SLC35F4: variants seen among roughly 807,000 people sequenced by gnomAD.
SLC35F4 encodes the protein solute carrier family 35 member F4.
Under a neutral mutation model 44.2 loss-of-function variants are expected in SLC35F4, and 24 were observed. The ratio of observed to expected loss-of-function variants is 0.54; its 90% CI spans 0.39 to 0.76. The LOEUF is 0.76. SLC35F4 is among the 30% of genes least tolerant of loss of function. The pLI, the probability that SLC35F4 is intolerant of heterozygous loss-of-function variation, is 0.00. For missense variants in SLC35F4, 562 were observed against 586.1 expected, an observed-to-expected ratio of 0.96 and a Z score of 0.42; for synonymous variants, 238 against 223.6, an observed-to-expected ratio of 1.06 and a Z score of -0.57.
At chr14:57,793,932 G>A (rs1268559647) in intron 1 of SLC35F4, among the ~76,000 whole-genome samples, 1 of 151,938 alleles carries the variant, frequency 6.6e-6, no homozygotes, top group African/African-American at 2.4e-5. Context: ...ACTGATCTTC[G>A]ACAAAGCACA....
chr14:57,869,942 A>G (rs1469303119), upstream of SLC35F4, among the ~76,000 whole-genome samples: 4 of 152,154 alleles, frequency 2.6e-5, no homozygotes, highest in Non-Finnish European at 5.9e-5. Flanking sequence ...CTTTCAGCTC[A>G]AAGGGGCTGG....
At chr14:57,610,517 G>A (rs1348758895) in intron 1 of SLC35F4, among the ~76,000 whole-genome samples, 2 of 152,250 alleles carry the variant, frequency 1.3e-5, no homozygotes, top group East Asian at 1.9e-4. Flanking sequence ...GACAAACTTC[G>A]GTTTTTCAAC....
intron 1 of SLC35F4, among the ~76,000 whole-genome samples, chr14:57,853,379 T>C (rs545930558): frequency 1.3e-5 from 2 of 152,332 alleles, no homozygotes; most frequent in African/African-American, 4.8e-5. Context: ...AAAAATGCAA[T>C]GTTCTGTGAA....
intron 1 of SLC35F4, among the ~76,000 whole-genome samples, chr14:57,624,968 G>A (rs113976069): frequency 2.4e-4 from 37 of 152,270 alleles, no homozygotes; most frequent in African/African-American, 8.4e-4. Flanking sequence ...AATCAGGCAA[G>A]AGAAAGAAAT....
In SLC35F4 at chr14:57,670,061, G is replaced by C. The variant is rs543470612; in HGVS notation, c.104-75937C>G. Among the ~76,000 whole-genome samples the C allele has an allele frequency of 7.9e-5, 12 of 152,252 alleles. No individual in the cohort carries two copies. In the East Asian group the frequency reaches 1.3e-3, roughly 17 times the overall value. Reference sequence around the variant, plus strand: ...ACTTCTTCCTGGTTTAGTCTTGGGAGAGTGTATGTGTCGAGGAATTTATCC... The same window carrying C: ...ACTTCTTCCTGGTTTAGTCTTGGGACAGTGTATGTGTCGAGGAATTTATCC... On this transcript the variant is annotated intron_variant, in intron 1 of 7. Transcript: ENST00000556826.
At chr14:57,648,343 C>T (rs944112635) in intron 1 of SLC35F4, among the ~76,000 whole-genome samples, 2 of 151,870 alleles carry the variant, frequency 1.3e-5, no homozygotes, top group African/African-American at 4.8e-5. Context: ...TAATCTAAAA[C>T]AAAATAATTT....
intron 1 of SLC35F4, among the ~76,000 whole-genome samples, chr14:57,641,126 A>T (rs896957208): frequency 6.8e-6 from 1 of 147,624 alleles, no homozygotes; most frequent in African/African-American, 2.5e-5. Flanking sequence ...CTTAGAGAGA[A>T]AGCAAAGATA....
chr14:57,891,463 C>A (rs969964003), intron 1 of SLC35F4, among the ~76,000 whole-genome samples: 1 of 152,008 alleles, frequency 6.6e-6, no homozygotes, highest in Non-Finnish European at 1.5e-5. Flanking sequence ...GGCAACATAG[C>A]AAGACCCCCA....
chr14:57,623,862 C>T (rs928880179), intron 1 of SLC35F4, among the ~76,000 whole-genome samples: 6 of 151,932 alleles, frequency 3.9e-5, no homozygotes, highest in African/African-American at 7.3e-5. Flanking sequence ...AGATCTAAAT[C>T]GGACAGCCTA....
intron 1 of SLC35F4, among the ~76,000 whole-genome samples, chr14:57,823,597 A>C (rs1883412359): frequency 6.6e-6 from 1 of 152,084 alleles, no homozygotes; most frequent in Admixed American, 6.6e-5. Context: ...CTCAATTAAT[A>C]TTTTTCAATG....
chr14:57,604,343 T>A (rs1400692579), intron 1 of SLC35F4: 1 of 152,044 alleles, frequency 6.6e-6, no homozygotes, highest in Non-Finnish European at 1.5e-5. Context: ...CCAACTAAAT[T>A]GAAGCAAAAT....
chr14:57,827,167 C>A (rs1883872731), intron 1 of SLC35F4, among the ~76,000 whole-genome samples: 1 of 152,074 alleles, frequency 6.6e-6, no homozygotes, highest in Admixed American at 6.6e-5. Flanking sequence ...ACCATGGAAT[C>A]CTATGCAGCC....
intron 1 of SLC35F4, chr14:57,602,552 A>T (rs2070891946): frequency 6.6e-6 from 1 of 151,874 alleles, no homozygotes. Context: ...TGATGATGGT[A>T]GAAAGAACAT....
intron 1 of SLC35F4, among the ~76,000 whole-genome samples, chr14:57,878,825 T>C (rs946706823): frequency 2.0e-5 from 3 of 152,184 alleles, no homozygotes; most frequent in Non-Finnish European, 2.9e-5. Context: ...AATTAGTTGA[T>C]TAATTCATTA....
At chr14:57,725,784 C>T (rs934559709) in intron 1 of SLC35F4, among the ~76,000 whole-genome samples, 4 of 152,146 alleles carry the variant, frequency 2.6e-5, no homozygotes, top group African/African-American at 9.7e-5. Flanking sequence ...TCTGAATCAG[C>T]GTCCAATATA....
At chr14:57,964,857 TC>T (rs1566518152) in intron 1 of SLC35F4, among the ~76,000 whole-genome samples, 1 of 151,794 alleles carries the variant, frequency 6.6e-6, no homozygotes. Context: ...TTGGAGAAGG[TC>T]TTTGTATAAA....
chr14:57,582,551 A>C (rs2069361857), intron 3 of SLC35F4, among the ~76,000 whole-genome samples: 1 of 152,222 alleles, frequency 6.6e-6, no homozygotes. Flanking sequence ...ACATACAGGC[A>C]ATAATGGAAG....
intron 1 of SLC35F4, among the ~76,000 whole-genome samples, chr14:57,729,734 A>G (rs2076300261): frequency 6.6e-6 from 1 of 152,142 alleles, no homozygotes; most frequent in Middle Eastern, 3.2e-3. Context: ...GTCACTTGCT[A>G]TGCTAGTTCA....
At chr14:57,569,252 C>A (rs1317171435) in intron 6 of SLC35F4, among the ~76,000 whole-genome samples, 2 of 152,134 alleles carry the variant, frequency 1.3e-5, no homozygotes, top group Admixed American at 6.5e-5. Context: ...GAGCCTATCA[C>A]CAAACTGCTT....
Sources: allele counts gnomAD v4.1 joint callset (sites outside exome capture counted in the v4.1 genomes callset), GRCh38; gene constraint gnomAD v4.1.1; transcripts MANE v1.5; gene names NCBI Gene and HGNC (gene_info 2026-07-23, HGNC 2026-07-21).